Variants in CDH13 observed in about 807,000 individuals in gnomAD.
CDH13 encodes the protein cadherin 13.
A neutral mutation model predicts 63.8 loss-of-function variants in CDH13; 24 were observed. The ratio of observed to expected loss-of-function variants is 0.38; its 90% CI spans 0.27 to 0.53. The LOEUF is 0.53. Among genes scored for constraint, CDH13 ranks in the 20% least tolerant of loss-of-function variants. The probability of loss-of-function intolerance (pLI) is 0.85; values close to 1 mark genes in which losing one functional copy is unlikely to be tolerated. For missense variants in CDH13, 1,049 were observed against 903.1 expected, an observed-to-expected ratio of 1.16 and a Z score of -2.07; for synonymous variants, 503 against 355.3, an observed-to-expected ratio of 1.42 and a Z score of -4.67.
rs186367644 is a variant in CDH13 at position 83,336,224 on chromosome 16, C to T, written c.637-8638C>T. The stretch of plus-strand genomic sequence containing the variant: ...GCTGAGACAGGAGAATCGCTTGAAC[C>T]TGGGAGGCAGAGATTGCAGTGAACC... On this transcript the variant is annotated intron_variant, in intron 5 of 13. Coordinates refer to ENST00000567109, the MANE Select transcript of CDH13 (RefSeq NM_001257.5). Among the ~76,000 whole-genome samples the T allele has an allele frequency of 8.5e-3, 1,268 of 149,538 alleles. 5 individuals carry two copies. Among genetic ancestry groups the T allele is most frequent in the Non-Finnish European group, 0.014 (949 of 67,772 alleles).
chr16:83,037,545 C>G (rs1253356561), intron 3 of CDH13, among the ~76,000 whole-genome samples: 2 of 152,160 alleles, frequency 1.3e-5, no homozygotes, highest in Non-Finnish European at 2.9e-5. Flanking sequence ...TCCAGATTGT[C>G]TAGCCTGGAG....
At chr16:82,758,047 T>G (rs935403385) in intron 1 of CDH13, among the ~76,000 whole-genome samples, 30 of 152,150 alleles carry the variant, frequency 2.0e-4, no homozygotes, top group African/African-American at 7.2e-4. Flanking sequence ...CCTTTCAGGT[T>G]AGTTGTAGAT....
chr16:83,629,110 C>G (rs1266184913), intron 8 of CDH13, among the ~76,000 whole-genome samples: 2 of 152,178 alleles, frequency 1.3e-5, no homozygotes, highest in East Asian at 1.9e-4. Context: ...AGACTAGATT[C>G]ATTTCAAATG....
chr16:83,249,647 G>A (rs1323481540), intron 5 of CDH13, among the ~76,000 whole-genome samples: 1 of 152,216 alleles, frequency 6.6e-6, no homozygotes, highest in African/African-American at 2.4e-5. Context: ...TGCCATCGAA[G>A]TAGATTTGTA....
intron 1 of CDH13, among the ~76,000 whole-genome samples, chr16:82,847,547 C>A (rs1387058202): frequency 6.6e-6 from 1 of 152,184 alleles, no homozygotes; most frequent in African/African-American, 2.4e-5. Flanking sequence ...TCAAAGATAC[C>A]TGTGATTACA....
intron 3 of CDH13, among the ~76,000 whole-genome samples, chr16:83,102,987 C>G (rs2034573323): frequency 1.1e-5 from 1 of 87,070 alleles, no homozygotes. Flanking sequence ...GAGTCCTGCT[C>G]TGTCACCCAG....
intron 7 of CDH13, among the ~76,000 whole-genome samples, chr16:83,514,872 C>T (rs893323935): frequency 2.0e-5 from 3 of 152,150 alleles, no homozygotes; most frequent in African/African-American, 4.8e-5. Context: ...TGCTTTTGGC[C>T]TCCAGGACTA....
chr16:83,589,173 G>C (rs1906471639), intron 7 of CDH13, among the ~76,000 whole-genome samples: 1 of 151,906 alleles, frequency 6.6e-6, no homozygotes, highest in South Asian at 2.1e-4. Context: ...TTGGCTCATA[G>C]CCTCTTCCTC....
intron 6 of CDH13, among the ~76,000 whole-genome samples, chr16:83,385,625 G>C (rs2091658203): frequency 6.6e-6 from 1 of 152,214 alleles, no homozygotes; most frequent in Admixed American, 6.5e-5. Flanking sequence ...TGGGAAAAGG[G>C]ATTGAGGTGA....
intron 11 of CDH13, among the ~76,000 whole-genome samples, chr16:83,779,437 A>AAAAAAAAAAT (rs1915360721): frequency 2.0e-5 from 3 of 147,082 alleles, no homozygotes; most frequent in South Asian, 2.2e-4. Context: ...AAAAAAAAAA[A>AAAAAAAAAAT]AGTCTTATAT....
rs549590536 is a variant in CDH13 at position 83,093,294 on chromosome 16, CTTTTTTTTTTTTTTTTTTTTT to C, written c.367-32073_367-32053del. ...TTGTCCTGTGGAAACACCATAAGTACTTTTTTTTTTTTTTTTTTTTTTTTTTTTTTTTTTTTTTGAGGTGGA... is the reference window on the plus strand; with the variant it reads ...TTGTCCTGTGGAAACACCATAAGTACTTTTTTTTTTTTTTTTTGAGGTGGA... On this transcript the variant is annotated intron_variant, in intron 3 of 13. Coordinates refer to ENST00000567109, the MANE Select transcript of CDH13 (RefSeq NM_001257.5). 2.8e-4 allele frequency among the ~76,000 whole-genome samples: 10 copies of C among 35,288 alleles called. 1 individual carries two copies. The highest frequency in any genetic ancestry group is 9.6e-4 in the Admixed American group (2 of 2,078). The allele number at this position is 35,288 out of a possible 152,430, so 23.2% of individuals were successfully genotyped here.
intron 8 of CDH13, among the ~76,000 whole-genome samples, chr16:83,630,755 A>C (rs1910705578): frequency 6.6e-6 from 1 of 152,154 alleles, no homozygotes; most frequent in South Asian, 2.1e-4. Context: ...AATTCAACAG[A>C]AGTTTTTAGA....
At chr16:83,266,790 T>C (rs1364467626) in intron 5 of CDH13, among the ~76,000 whole-genome samples, 1 of 152,226 alleles carries the variant, frequency 6.6e-6, no homozygotes, top group Non-Finnish European at 1.5e-5. Context: ...ACTTTTCTTC[T>C]GGAATCCTCT....
intron 4 of CDH13, among the ~76,000 whole-genome samples, chr16:83,156,591 C>T (rs1376135951): frequency 6.6e-6 from 1 of 152,112 alleles, no homozygotes; most frequent in Non-Finnish European, 1.5e-5. Flanking sequence ...GTTTTCAAAG[C>T]CTCCAGATAA....
chr16:83,348,147 G>A lies in CDH13; in HGVS notation c.781+3141G>A, dbSNP rs569235980. Among the ~76,000 whole-genome samples, 447 of 152,240 alleles carry A rather than the reference G, an allele frequency of 2.9e-3. 4 individuals carry two copies. Among genetic ancestry groups the A allele is most frequent in the African/African-American group, 7.1e-3 (293 of 41,560 alleles). On this transcript the variant is annotated intron_variant, in intron 6 of 13. Coordinates refer to ENST00000567109, the MANE Select transcript of CDH13 (RefSeq NM_001257.5). ...GGAAGTTGCAGTGAGCCAAGATCAC[G>A]CCACTGCACTCCAGCCTGGGCGACA...
At chr16:82,929,215 A>G (rs1426868399) in intron 2 of CDH13, among the ~76,000 whole-genome samples, 5 of 152,186 alleles carry the variant, frequency 3.3e-5, no homozygotes, top group Admixed American at 3.3e-4. Context: ...TTTGAAACCT[A>G]GCTTCCAATG....
intron 1 of CDH13, among the ~76,000 whole-genome samples, chr16:82,801,808 A>G (rs2036867933): frequency 6.7e-6 from 1 of 149,218 alleles, no homozygotes; most frequent in African/African-American, 2.5e-5. Flanking sequence ...GGGTCAGGAG[A>G]TAGCTTTAAA....
intron 2 of CDH13, among the ~76,000 whole-genome samples, chr16:82,931,227 C>A (rs796193975): frequency 6.6e-6 from 1 of 152,182 alleles, no homozygotes; most frequent in Non-Finnish European, 1.5e-5. Context: ...TATCTGACTA[C>A]CCTGCACAGA....
chr16:82,916,336 G>A (rs1219505659), intron 2 of CDH13, among the ~76,000 whole-genome samples: 1 of 152,194 alleles, frequency 6.6e-6, no homozygotes, highest in African/African-American at 2.4e-5. Context: ...AGCACTTTGG[G>A]AGGCCGAAGC....
Sources: allele counts gnomAD v4.1 joint callset (sites outside exome capture counted in the v4.1 genomes callset), GRCh38; gene constraint gnomAD v4.1.1; transcripts MANE v1.5; gene names NCBI Gene and HGNC (gene_info 2026-07-23, HGNC 2026-07-21).